Variants in TMEM31 observed in about 807,000 individuals in gnomAD.
TMEM31 encodes testicular secretory protein Li 58.
In TMEM31, 1 loss-of-function variant was observed where a neutral mutation model predicts 2.4. The ratio of observed to expected loss-of-function variants is 0.42; its 90% CI spans 0.15 to 1.97. The LOEUF is 1.97. TMEM31 is among the 30% of genes most tolerant of loss of function. The probability of loss-of-function intolerance (pLI) is 0.30; values close to 1 mark genes in which losing one functional copy is unlikely to be tolerated. For synonymous variants in TMEM31, 47 were observed against 45.8 expected, an observed-to-expected ratio of 1.03 and a Z score of -0.10; for missense variants, 119 against 121.3, an observed-to-expected ratio of 0.98 and a Z score of 0.09.
chrX:103,713,780 T>C lies in TMEM31; in HGVS notation c.289T>C (p.Phe97Leu). The C allele has an allele frequency of 8.3e-7, 1 of 1,211,531 alleles. No individual in the cohort carries two copies. Among genetic ancestry groups the C allele is most frequent in the East Asian group, 3.0e-5 (1 of 33,805 alleles). The change falls in exon 3 of 3, where the codon TTT (phenylalanine) becomes CTT (leucine). Residue 97 changes from phenylalanine (F) to leucine (L), a missense_variant. By Grantham distance (22) the Phe-to-Leu change is conservative (BLOSUM62 0). Coordinates refer to ENST00000319560, the MANE Select transcript of TMEM31 (RefSeq NM_182541.2). Reference sequence around the variant, plus strand: ...TGCTCTTTTTGAGCTTTATCCTGAATTTCTTCTGGTGTTTAAAGAAGCCTT... The same window carrying C: ...TGCTCTTTTTGAGCTTTATCCTGAACTTCTTCTGGTGTTTAAAGAAGCCTT... ...LPALFELYPE[F>L]LLVFKEAFHD...
chrX:103,712,993 TTA>T (rs2074230154), intron 2 of TMEM31, among the ~76,000 whole-genome samples: 1 of 112,063 alleles, frequency 8.9e-6, no homozygotes, highest in African/African-American at 3.2e-5. Flanking sequence ...ATCAAAGAGA[TTA>T]AAGTAATCAA....
chrX:103,713,507 T>A (rs1569416344), intron 2 of TMEM31, 87 bp from the exon 3 acceptor site: 1 of 1,206,471 alleles, frequency 8.3e-7, no homozygotes, highest in Non-Finnish European at 1.1e-6. Flanking sequence ...GGCCGCTCCC[T>A]AGTTGTACTC....
intron 2 of TMEM31, 166 bp from the exon 3 acceptor site, chrX:103,713,428 C>A: frequency 9.9e-7 from 1 of 1,009,109 alleles, no homozygotes; most frequent in East Asian, 3.0e-5. Context: ...GTCCTTGCAG[C>A]CCTGGGGTGG....
rs779322406 is a variant in TMEM31 at position 103,713,730 on chromosome X, G to A, written c.239G>A (p.Trp80Ter). ...GAAGTCCTTCCGTGGCCTACTGAGTGGATTTTCAACCCCTATCGATTGCCT... is the reference window on the plus strand; with the variant it reads ...GAAGTCCTTCCGTGGCCTACTGAGTAGATTTTCAACCCCTATCGATTGCCT... ...LLEVLPWPTE[W>*]IFNPYRLPAL... is the part of the protein sequence containing the mutation. Residue 80 changes from tryptophan (W) to a stop codon, truncating the protein, a stop_gained, in exon 3 of 3, where the codon TGG becomes TAG. Transcript: ENST00000319560. LOFTEE classifies it low-confidence loss of function (END_TRUNC). The A allele has an allele frequency of 2.5e-6, 3 of 1,211,447 alleles. No homozygotes were observed. The highest frequency in any genetic ancestry group is 1.8e-5 in the South Asian group (1 of 56,965).
Position 103,713,980 on chromosome X carries a change from C to G in TMEM31, c.489C>G (p.Phe163Leu), listed in dbSNP as rs1381755564. Residue 163 changes from phenylalanine (F) to leucine (L), a missense_variant, in exon 3 of 3, where the codon TTC becomes TTG. Transcript: ENST00000319560. ...VLLLLLFIIV[F>L]ILIFF ...TGCTTCTGCTTTTTATTATTGTCTT[C>G]ATTCTGATCTTCTTCTGATTCTTTT... 7.5e-6 allele frequency: 9 copies of G among 1,193,166 alleles called. No homozygotes were observed. Among genetic ancestry groups the G allele is most frequent in the Non-Finnish European group, 1.0e-5 (9 of 886,182 alleles).
chrX:103,711,338 G>C (rs2074222298), intron 1 of TMEM31, among the ~76,000 whole-genome samples: 1 of 110,433 alleles, frequency 9.1e-6, no homozygotes. Context: ...CAGAAAATTA[G>C]CCGGGCGTGG....
intron 1 of TMEM31, among the ~76,000 whole-genome samples, chrX:103,711,349 T>A (rs1293356071): frequency 9.1e-6 from 1 of 110,088 alleles, no homozygotes; most frequent in Non-Finnish European, 1.9e-5. Flanking sequence ...CCGGGCGTGG[T>A]GGCGGGCGCC....
At chrX:103,712,904 G>A (rs779958351) in intron 2 of TMEM31, among the ~76,000 whole-genome samples, 1 of 112,095 alleles carries the variant, frequency 8.9e-6, no homozygotes, top group Non-Finnish European at 1.9e-5. Flanking sequence ...TCTATGTCAA[G>A]CAGTGTGCCC....
Position 103,712,832 on chromosome X carries a change from C to T in TMEM31, c.102+472C>T, listed in dbSNP as rs1358341745. Among the ~76,000 whole-genome samples, 8 of 111,842 alleles carry T rather than the reference C, an allele frequency of 7.2e-5. No homozygotes were observed. In the Admixed American group the frequency reaches 7.6e-4, roughly 11 times the overall value. On this transcript the variant is annotated intron_variant, in intron 2 of 2. Coordinates refer to ENST00000319560, the MANE Select transcript of TMEM31 (RefSeq NM_182541.2). The stretch of plus-strand genomic sequence containing the variant: ...GCGTGAGCCCCCGTGCCTGGCAAAG[C>T]AATCTCTTATTAGCTAACTTGGTAA...
rs2074227693 is a variant in TMEM31 at position 103,712,459 on chromosome X, CAATT to C, written c.102+101_102+104del. The C allele has an allele frequency of 1.1e-5, 8 of 712,953 alleles. No homozygotes were observed. In the East Asian group the frequency reaches 3.0e-4, roughly 27 times the overall value. 58.8% of individuals were successfully genotyped at this position (712,953 alleles called of 1,213,427 possible). A position where few individuals can be genotyped will look rare whatever the true frequency, so the allele number is the denominator to read the frequency against. On this transcript the variant is annotated intron_variant, in intron 2 of 2. Transcript: ENST00000319560. ...GCCTGATTGTTGAATTCTTAACCACCAATTAGTGTATGACAACCTGGGCTACCTT... is the reference window on the plus strand; with the variant it reads ...GCCTGATTGTTGAATTCTTAACCACCAGTGTATGACAACCTGGGCTACCTT...
chrX:103,713,840 G>A lies in TMEM31; in HGVS notation c.349G>A (p.Glu117Lys). Residue 117 changes from glutamate (E) to lysine (K), a missense_variant, in exon 3 of 3, where the codon GAA becomes AAA. Transcript: ENST00000319560. Reference sequence around the variant, plus strand: ...ATCCCATTGTCTGAAAGCCCAGATGGAAAAGATCGGACTGCCCATCATACT... The same window carrying A: ...ATCCCATTGTCTGAAAGCCCAGATGAAAAAGATCGGACTGCCCATCATACT... ...DISHCLKAQM[E>K]KIGLPIILHL... is the part of the protein sequence containing the mutation. 1 of 1,211,616 alleles carries A rather than the reference G, an allele frequency of 8.3e-7. No homozygotes were observed.
chrX:103,712,027 A>G (rs1009331087), intron 1 of TMEM31, among the ~76,000 whole-genome samples: 2 of 111,906 alleles, frequency 1.8e-5, no homozygotes, highest in Non-Finnish European at 3.8e-5. Flanking sequence ...CTGAAGACAG[A>G]CCAGAACTCT....
chrX:103,713,645 T>C lies in TMEM31; in HGVS notation c.154T>C (p.Cys52Arg). The C allele has an allele frequency of 8.2e-7, 1 of 1,212,276 alleles. No individual in the cohort carries two copies. Among genetic ancestry groups the C allele is most frequent in the Non-Finnish European group, 1.1e-6 (1 of 895,639 alleles). The part of the protein sequence containing the change: ...TQRADTQPSR[C>R]RLPSRRTPTT... ...AAGAGCAGACACACAGCCATCCAGA[T>C]GTCGATTGCCTTCACGTAGGACACC... Residue 52 changes from cysteine to arginine, a missense_variant, in exon 3 of 3, where the codon TGT becomes CGT. Transcript: ENST00000319560.
chrX:103,712,128 C>T, intron 1 of TMEM31, 108 bp from the exon 2 acceptor site: 1 of 506,160 alleles, frequency 2.0e-6, no homozygotes. Flanking sequence ...GAGGCTGGCC[C>T]AGGCACCTCT....
chrX:103,713,384 C>A, intron 2 of TMEM31: 1 of 718,326 alleles, frequency 1.4e-6, no homozygotes, highest in Non-Finnish European at 2.1e-6. Context: ...GCCACTGCGC[C>A]CTTATGAATC....
chrX:103,714,006 G>A lies in TMEM31; in HGVS notation c.*8G>A, dbSNP rs1348474196. The A allele has an allele frequency of 8.6e-7, 1 of 1,169,075 alleles. No individual in the cohort carries two copies. The highest frequency in any genetic ancestry group is 1.8e-5 in the African/African-American group (1 of 55,642). The stretch of plus-strand genomic sequence containing the variant: ...ATTCTGATCTTCTTCTGATTCTTTT[G>A]TTTCAATAAACAGCAATGAGCATGA... On this transcript the variant is annotated 3_prime_UTR_variant, in exon 3 of 3. Coordinates refer to ENST00000319560, the MANE Select transcript of TMEM31 (RefSeq NM_182541.2).
At chrX:103,712,208 C>A (rs1296057235) in intron 1 of TMEM31, 28 bp from the exon 2 acceptor site, 1 of 1,119,272 alleles carries the variant, frequency 8.9e-7, no homozygotes, top group South Asian at 2.0e-5. Context: ...GTTGTCATGA[C>A]GACAAGATTT....
At chrX:103,712,387 T>A (rs1247237204) in intron 2 of TMEM31, 27 bp downstream of exon 2, 1 of 1,138,019 alleles carries the variant, frequency 8.8e-7, no homozygotes. Context: ...CAATTCCAAC[T>A]TAGTTATGGG....
intron 2 of TMEM31, among the ~76,000 whole-genome samples, chrX:103,713,304 G>A (rs982264129): frequency 9.0e-6 from 1 of 111,446 alleles, no homozygotes; most frequent in African/African-American, 3.3e-5. Flanking sequence ...TGATCAGGCA[G>A]GTCTCGAACT....
Sources: allele counts gnomAD v4.1 joint callset (sites outside exome capture counted in the v4.1 genomes callset), GRCh38; gene constraint gnomAD v4.1.1; transcripts MANE v1.5; gene names NCBI Gene and HGNC (gene_info 2026-07-23, HGNC 2026-07-21).